Variants in HS3ST4 observed in about 807,000 individuals in gnomAD.
HS3ST4 encodes heparan sulfate glucosamine 3-O-sulfotransferase 4.
HS3ST4 carries 17 observed loss-of-function variants against 29.2 expected under a neutral mutation model. The ratio of observed to expected loss-of-function variants is 0.58; its 90% confidence interval spans 0.40 to 0.87. The LOEUF (loss-of-function observed/expected upper bound fraction) is 0.87. Among genes scored for constraint, HS3ST4 ranks in the 40% least tolerant of loss-of-function variants. HS3ST4 has a pLI of 0.00. For missense variants in HS3ST4, 627 were observed against 634.5 expected, an observed-to-expected ratio of 0.99 and a Z score of 0.13; for synonymous variants, 314 against 285.7, an observed-to-expected ratio of 1.10 and a Z score of -1.00.
intron 1 of HS3ST4, among the ~76,000 whole-genome samples, chr16:25,857,619 A>G (rs1967586583): frequency 6.6e-6 from 1 of 152,048 alleles, no homozygotes; most frequent in South Asian, 2.1e-4. Context: ...CTAGCTTTTT[A>G]GTTTTAGGGC....
chr16:26,001,525 A>G (rs1596640613), intron 1 of HS3ST4, among the ~76,000 whole-genome samples: 1 of 152,182 alleles, frequency 6.6e-6, no homozygotes, highest in South Asian at 2.1e-4. Flanking sequence ...TGTAGGCCAT[A>G]ACAAGGTAAT....
intron 1 of HS3ST4, among the ~76,000 whole-genome samples, chr16:25,889,786 TG>T (rs1413363284): frequency 6.6e-6 from 1 of 152,180 alleles, no homozygotes; most frequent in African/African-American, 2.4e-5. Context: ...CCACATGTCA[TG>T]GGAGGGGCTC....
At chr16:25,870,329 A>G (rs1967737137) in intron 1 of HS3ST4, among the ~76,000 whole-genome samples, 1 of 152,188 alleles carries the variant, frequency 6.6e-6, no homozygotes. Flanking sequence ...ATAGTTAAGG[A>G]TGGATGGACA....
intron 1 of HS3ST4, among the ~76,000 whole-genome samples, chr16:25,746,110 C>G (rs186970072): frequency 9.8e-5 from 15 of 152,340 alleles, no homozygotes; most frequent in Non-Finnish European, 1.6e-4. Flanking sequence ...CCACCTCACC[C>G]TAAGTCTTCT....
intron 1 of HS3ST4, among the ~76,000 whole-genome samples, chr16:25,914,572 TGTG>T (rs921100841): frequency 2.7e-5 from 4 of 149,656 alleles, no homozygotes; most frequent in African/African-American, 9.9e-5. Context: ...TGTGGTTGGA[TGTG>T]GTGTCTGTGG....
At chr16:26,125,189 CAGAAATTCGTCAG>C (rs1899325485) in intron 1 of HS3ST4, among the ~76,000 whole-genome samples, 1 of 152,184 alleles carries the variant, frequency 6.6e-6, no homozygotes, top group African/African-American at 2.4e-5. Context: ...ATGATATCTT[CAGAAATTCGTCAG>C]TATTATTTTT....
intron 1 of HS3ST4, among the ~76,000 whole-genome samples, chr16:25,791,478 C>A (rs997986778): frequency 3.9e-5 from 6 of 152,064 alleles, no homozygotes; most frequent in African/African-American, 7.2e-5. Context: ...GAATTACCCC[C>A]AAATTTACAG....
intron 1 of HS3ST4, among the ~76,000 whole-genome samples, chr16:25,816,804 T>C (rs971975538): frequency 2.0e-5 from 3 of 152,152 alleles, no homozygotes; most frequent in African/African-American, 7.2e-5. Context: ...TGGTGGGTTC[T>C]CTCCCCAGAG....
At chr16:25,776,498 G>A (rs924417311) in intron 1 of HS3ST4, among the ~76,000 whole-genome samples, 14 of 152,136 alleles carry the variant, frequency 9.2e-5, no homozygotes, top group African/African-American at 3.4e-4. Context: ...GATGTCTCAT[G>A]TCTCCCTAAA....
chr16:26,064,529 G>T (rs150625408), intron 1 of HS3ST4, among the ~76,000 whole-genome samples: 1 of 151,672 alleles, frequency 6.6e-6, no homozygotes, highest in African/African-American at 2.4e-5. Context: ...CTTGAAGTCA[G>T]CCAGAGTAGT....
At chr16:25,750,735 T>A (rs1184448601) in intron 1 of HS3ST4, among the ~76,000 whole-genome samples, 1 of 152,224 alleles carries the variant, frequency 6.6e-6, no homozygotes, top group Non-Finnish European at 1.5e-5. Flanking sequence ...TGCCTGTGTG[T>A]GTGCATGTGA....
intron 1 of HS3ST4, among the ~76,000 whole-genome samples, chr16:25,907,788 T>C (rs1016317395): frequency 6.6e-6 from 1 of 152,226 alleles, no homozygotes; most frequent in Non-Finnish European, 1.5e-5. Context: ...ACAGGCTTCA[T>C]TGATTTTCAC....
chr16:25,743,576 G>A (rs940429390), intron 1 of HS3ST4, among the ~76,000 whole-genome samples: 1 of 152,106 alleles, frequency 6.6e-6, no homozygotes, highest in African/African-American at 2.4e-5. Context: ...TACGATATCG[G>A]CTCACTACAA....
chr16:25,805,363 T>A (rs1326630240), intron 1 of HS3ST4, among the ~76,000 whole-genome samples: 5 of 152,194 alleles, frequency 3.3e-5, no homozygotes, highest in Non-Finnish European at 7.3e-5. Context: ...TGGGCAGGTA[T>A]TCTTTCGAAG....
At chr16:25,963,417 T>C (rs1435347115) in intron 1 of HS3ST4, among the ~76,000 whole-genome samples, 3 of 152,220 alleles carry the variant, frequency 2.0e-5, no homozygotes, top group Non-Finnish European at 4.4e-5. Context: ...CCATTGTTAG[T>C]CTTGTCTGTA....
chr16:26,086,012 C>A lies in HS3ST4; in HGVS notation c.735-49600C>A, dbSNP rs77032498. Among the ~76,000 whole-genome samples, 608 of 152,232 alleles carry A rather than the reference C, an allele frequency of 4.0e-3. 6 individuals carry two copies. The highest frequency in any genetic ancestry group is 0.014 in the African/African-American group (583 of 41,544). On this transcript the variant is annotated intron_variant, in intron 1 of 1. Transcript: ENST00000331351. ...GGACACATCAACTCATCTCTCTGAC[C>A]CTCCATATTGTCATCTGTAAAATGC...
intron 1 of HS3ST4, among the ~76,000 whole-genome samples, chr16:25,903,760 G>C (rs571658527): frequency 1.3e-5 from 2 of 151,606 alleles, no homozygotes; most frequent in African/African-American, 4.9e-5. Flanking sequence ...CTGATGTCTA[G>C]AACTGCTTCC....
chr16:26,079,550 T>A, intron 1 of HS3ST4, among the ~76,000 whole-genome samples: 1 of 152,224 alleles, frequency 6.6e-6, no homozygotes, highest in Non-Finnish European at 1.5e-5. Flanking sequence ...CATTTAAACA[T>A]CACAATCACA....
chr16:25,820,038 A>G (rs9922911), intron 1 of HS3ST4, among the ~76,000 whole-genome samples: 2 of 122,410 alleles, frequency 1.6e-5, no homozygotes, highest in African/African-American at 5.7e-5. Context: ...AAAAAAAAAA[A>G]AAAAAAAAAA....
Sources: allele counts gnomAD v4.1 joint callset (sites outside exome capture counted in the v4.1 genomes callset), GRCh38; gene constraint gnomAD v4.1.1; transcripts MANE v1.5; gene names NCBI Gene and HGNC (gene_info 2026-07-23, HGNC 2026-07-21).